TFB2M: variants seen among roughly 807,000 people sequenced by gnomAD.
TFB2M encodes transcription factor B2, mitochondrial, also known as dimethyladenosine transferase 2, mitochondrial.
Under a neutral mutation model 41.3 loss-of-function variants are expected in TFB2M, and 44 were observed. That is an observed-to-expected ratio of 1.07 (90% CI 0.84 to 1.37). The LOEUF (loss-of-function observed/expected upper bound fraction) is 1.37, where lower values mean the gene tolerates loss of function less well. TFB2M is among the 40% of genes most tolerant of loss of function. The pLI is 0.00. For synonymous variants in TFB2M, 188 were observed against 176.8 expected, an observed-to-expected ratio of 1.06 and a Z score of -0.50; for missense variants, 496 against 490.2, an observed-to-expected ratio of 1.01 and a Z score of -0.11.
intron 6 of TFB2M, among the ~76,000 whole-genome samples, chr1:246,545,091 C>G (rs373074531): frequency 2.0e-5 from 3 of 152,136 alleles, no homozygotes; most frequent in South Asian, 2.1e-4. Context: ...CAGGCGTGAG[C>G]CACCGTGCCC....
chr1:246,563,014 C>T (rs574458594), intron 2 of TFB2M, among the ~76,000 whole-genome samples: 8 of 152,092 alleles, frequency 5.3e-5, no homozygotes, highest in Non-Finnish European at 1.0e-4. Context: ...CTTGACGGAC[C>T]CGCTTCCTGG....
chr1:246,549,995 G>C (rs1659128673), intron 5 of TFB2M, among the ~76,000 whole-genome samples: 1 of 152,200 alleles, frequency 6.6e-6, no homozygotes, highest in Non-Finnish European at 1.5e-5. Context: ...TTACTCTACA[G>C]ATGTAGACAC....
chr1:246,546,957 A>ATG (rs1659035198), intron 6 of TFB2M, among the ~76,000 whole-genome samples: 1 of 99,668 alleles, frequency 1.0e-5, no homozygotes, highest in African/African-American at 2.9e-5. Context: ...AAGTTTATAT[A>ATG]TGTATATATA....
intron 1 of TFB2M, 146 bp downstream of exon 1, chr1:246,565,680 C>G (rs1281510516): frequency 5.4e-6 from 5 of 931,114 alleles, no homozygotes; most frequent in African/African-American, 1.7e-5. Context: ...CCACTGCACT[C>G]CAGCCTGGCA....
At chr1:246,564,145 T>A (rs993314832) in intron 2 of TFB2M, among the ~76,000 whole-genome samples, 1 of 152,178 alleles carries the variant, frequency 6.6e-6, no homozygotes, top group Admixed American at 6.5e-5. Flanking sequence ...AGCAAACAAG[T>A]CTTAGAACTC....
intron 2 of TFB2M, among the ~76,000 whole-genome samples, chr1:246,559,219 G>T (rs2102989831): frequency 6.6e-6 from 1 of 152,194 alleles, no homozygotes; most frequent in African/African-American, 2.4e-5. Context: ...AAGTGTCTGG[G>T]ATTACAGGTG....
rs1320979288 is a variant in TFB2M at position 246,544,508 on chromosome 1, T to C, written c.1019+13A>G. 1 of 1,579,408 alleles carries C rather than the reference T, an allele frequency of 6.3e-7. No homozygotes were observed. Among genetic ancestry groups the C allele is most frequent in the Non-Finnish European group, 8.5e-7 (1 of 1,170,336 alleles). ...GTTGCTACTTTATACTTGCTTTTAT[T>C]CTTTTTACTCACCGTAAGTGGTCTA... On this transcript the variant is annotated intron_variant, in intron 7 of 7. Transcript: ENST00000366514.
chr1:246,562,918 G>A lies in TFB2M; in HGVS notation c.402+1428C>T, dbSNP rs571243219. ...AGTGATCCGCCCGCCTCTGCCTCCCGAAGTGCTGGGATGACAGGTGTGAGC... is the reference window on the plus strand; with the variant it reads ...AGTGATCCGCCCGCCTCTGCCTCCCAAAGTGCTGGGATGACAGGTGTGAGC... On this transcript the variant is annotated intron_variant, in intron 2 of 7. Coordinates refer to ENST00000366514, the MANE Select transcript of TFB2M (RefSeq NM_022366.3). Among the ~76,000 whole-genome samples the A allele has an allele frequency of 4.1e-4, 62 of 152,180 alleles. 1 individual carries two copies. Among genetic ancestry groups the A allele is most frequent in the African/African-American group, 1.4e-3 (59 of 41,534 alleles).
At position 246,556,736 on chromosome 1, in the gene TFB2M, A is replaced by G. The variant is rs1252129685; in HGVS notation, c.557-15T>C. The stretch of plus-strand genomic sequence containing the variant: ...TAAAGGGATGTCTGTTAGGAATATA[A>G]GCAAAAAGATTTGAATAAAGTTCTT... On this transcript the variant is annotated splice_polypyrimidine_tract_variant and intron_variant, in intron 3 of 7. Transcript: ENST00000366514. 3 of 1,541,102 alleles carry G rather than the reference A, an allele frequency of 1.9e-6. No individual in the cohort carries two copies. Among genetic ancestry groups the G allele is most frequent in the South Asian group, 1.3e-5 (1 of 76,258 alleles).
intron 4 of TFB2M, among the ~76,000 whole-genome samples, chr1:246,553,534 G>C (rs1400110959): frequency 6.6e-6 from 1 of 152,108 alleles, no homozygotes; most frequent in Non-Finnish European, 1.5e-5. Context: ...CAGGCACGGG[G>C]GTGCACGCCT....
intron 2 of TFB2M, among the ~76,000 whole-genome samples, chr1:246,558,436 T>C (rs1054405451): frequency 2.6e-5 from 4 of 152,098 alleles, no homozygotes; most frequent in Non-Finnish European, 5.9e-5. Flanking sequence ...TGTGAGCCAC[T>C]GCACCCGGCC....
At chr1:246,553,510 A>G (rs1659240872) in intron 4 of TFB2M, among the ~76,000 whole-genome samples, 2 of 152,194 alleles carry the variant, frequency 1.3e-5, no homozygotes, top group South Asian at 2.1e-4. Context: ...TCTACAAAAA[A>G]GACAATAATC....
chr1:246,564,291 C>T, intron 2 of TFB2M, 55 bp downstream of exon 2: 3 of 1,483,628 alleles, frequency 2.0e-6, no homozygotes, highest in Non-Finnish European at 2.8e-6. Flanking sequence ...TTTCCTTAAA[C>T]CACTCACAGA....
intron 4 of TFB2M, among the ~76,000 whole-genome samples, chr1:246,555,969 T>C (rs1659311834): frequency 6.6e-6 from 1 of 152,112 alleles, no homozygotes; most frequent in South Asian, 2.1e-4. Context: ...TTTTGTATTT[T>C]TAGTAGAGAC....
At chr1:246,552,741 T>G (rs1462310246) in intron 4 of TFB2M, among the ~76,000 whole-genome samples, 1 of 151,850 alleles carries the variant, frequency 6.6e-6, no homozygotes, top group Non-Finnish European at 1.5e-5. Context: ...AAAAAATAAT[T>G]ATAATACCCC....
rs538175346 is a variant in TFB2M, at chr1:246,545,223, C to T, written c.859-542G>A. Among the ~76,000 whole-genome samples, 14 of 152,306 alleles carry T rather than the reference C, an allele frequency of 9.2e-5. No individual in the cohort carries two copies. The South Asian group carries it at 2.9e-3, about 32-fold the overall frequency. Reference sequence around the variant, plus strand: ...AACCTTGAGGGAGGAGATAACGTCTCTCTCCAGGACAAAGAGCAGGCCTGT... The same window carrying T: ...AACCTTGAGGGAGGAGATAACGTCTTTCTCCAGGACAAAGAGCAGGCCTGT... On this transcript the variant is annotated intron_variant, in intron 6 of 7. Transcript: ENST00000366514.
intron 4 of TFB2M, among the ~76,000 whole-genome samples, chr1:246,552,669 A>C (rs990668767): frequency 1.3e-4 from 20 of 152,000 alleles, no homozygotes; most frequent in Admixed American, 9.2e-4. Context: ...ACGACATTCA[A>C]GCCTGGGCAA....
intron 6 of TFB2M, among the ~76,000 whole-genome samples, chr1:246,546,519 C>G (rs1025896003): frequency 1.1e-4 from 16 of 150,472 alleles, no homozygotes; most frequent in African/African-American, 3.9e-4. Context: ...GAGGGTGAGG[C>G]AGGAGAAACA....
chr1:246,552,699 T>TA (rs756125779), intron 4 of TFB2M, among the ~76,000 whole-genome samples: 1 of 151,830 alleles, frequency 6.6e-6, no homozygotes, highest in Non-Finnish European at 1.5e-5. Context: ...ACCCTGTCTC[T>TA]AAAAAAATTT....
Sources: allele counts gnomAD v4.1 joint callset (sites outside exome capture counted in the v4.1 genomes callset), GRCh38; gene constraint gnomAD v4.1.1; transcripts MANE v1.5; gene names NCBI Gene and HGNC (gene_info 2026-07-23, HGNC 2026-07-21).